The following PTPRD variants were observed in gnomAD, a reference collection of about 807,000 sequenced individuals.
The protein encoded by PTPRD is protein tyrosine phosphatase receptor type D, also known as receptor-type tyrosine-protein phosphatase delta.
Under a neutral mutation model 214.5 loss-of-function variants are expected in PTPRD, and 34 were observed. The observed-to-expected ratio is 0.16, with a 90% CI of 0.12 to 0.21. The LOEUF (loss-of-function observed/expected upper bound fraction) is 0.21. PTPRD is among the 10% of genes least tolerant of loss of function. The pLI, the probability that PTPRD is intolerant of heterozygous loss-of-function variation, is 1.00. For synonymous variants in PTPRD, 1,128 were observed against 845.7 expected (o/e 1.33, Z -5.79); for missense variants, 2,545 against 2,398.7 (o/e 1.06, Z -1.27).
chr9:10,082,209 T>A (rs1410355081), intron 3 of PTPRD, among the ~76,000 whole-genome samples: 3 of 152,126 alleles, frequency 2.0e-5, no homozygotes. Flanking sequence ...TAAGTTAGAA[T>A]AATAAACGTT....
At chr9:9,747,269 T>C (rs1013790272) in intron 6 of PTPRD, among the ~76,000 whole-genome samples, 1 of 152,150 alleles carries the variant, frequency 6.6e-6, no homozygotes, top group African/African-American at 2.4e-5. Context: ...AGGCTCATGA[T>C]TTCCGATATG....
intron 8 of PTPRD, among the ~76,000 whole-genome samples, chr9:9,490,489 G>T (rs544775641): frequency 1.3e-5 from 2 of 151,880 alleles, no homozygotes; most frequent in Non-Finnish European, 2.9e-5. Flanking sequence ...TCCACATTTT[G>T]TTTACTATAT....
At chr9:8,865,153 T>TTCCTA (rs1555451624) in intron 11 of PTPRD, among the ~76,000 whole-genome samples, 33 of 151,492 alleles carry the variant, frequency 2.2e-4, no homozygotes, top group African/African-American at 8.0e-4. Flanking sequence ...CTATCATTCT[T>TTCCTA]TCTTTAATCA....
chr9:8,405,543 T>G (rs10977054), intron 35 of PTPRD, among the ~76,000 whole-genome samples: 11,145 of 152,114 alleles, frequency 0.073, 506 homozygotes, highest in Non-Finnish European at 0.099. Context: ...TCAGGTTTGA[T>G]CATAAAACTC....
rs756284890 is a variant in PTPRD at position 8,636,786 on chromosome 9, G to T, written c.123C>A (p.Ala41=). The stretch of plus-strand genomic sequence containing the variant: ...CTCCCGTAGCTTGGCAGATGAAAGA[G>T]GCAACTCCGCCAGAGACCCCTGTCT... ...VDQTGVSGGV[A]SFICQATGDP... The change falls in exon 13 of 46, where the codon GCC becomes GCA. Residue 41 remains alanine (A), a synonymous_variant. Coordinates refer to ENST00000381196, the MANE Select transcript of PTPRD (RefSeq NM_002839.4). 1.9e-6 allele frequency: 3 copies of T among 1,613,850 alleles called. No homozygotes were observed. The highest frequency in any genetic ancestry group is 2.5e-6 in the Non-Finnish European group (3 of 1,179,938).
chr9:9,583,789 G>C (rs2091356374), intron 7 of PTPRD, among the ~76,000 whole-genome samples: 1 of 151,972 alleles, frequency 6.6e-6, no homozygotes, highest in Non-Finnish European at 1.5e-5. Context: ...TAAGCTTGGA[G>C]ACTCAGTCTT....
intron 9 of PTPRD, among the ~76,000 whole-genome samples, chr9:9,235,318 A>G (rs1408710094): frequency 1.3e-5 from 2 of 152,130 alleles, no homozygotes; most frequent in African/African-American, 4.8e-5. Flanking sequence ...ACGATTCAAG[A>G]TGAGATTTGG....
intron 2 of PTPRD, among the ~76,000 whole-genome samples, chr9:10,367,762 T>C (rs1171049934): frequency 6.6e-6 from 1 of 152,086 alleles, no homozygotes; most frequent in African/African-American, 2.4e-5. Context: ...TTATTTTATG[T>C]CAAGAAAGGC....
chr9:8,887,609 C>A (rs1280513373), intron 11 of PTPRD, among the ~76,000 whole-genome samples: 1 of 152,120 alleles, frequency 6.6e-6, no homozygotes, highest in African/African-American at 2.4e-5. Flanking sequence ...GAGATTACAA[C>A]ATTTTTTTAT....
intron 3 of PTPRD, among the ~76,000 whole-genome samples, chr9:10,074,391 T>G (rs1246506265): frequency 1.3e-5 from 2 of 152,236 alleles, no homozygotes; most frequent in East Asian, 1.9e-4. Context: ...AGAATATGGC[T>G]CTATTCCAGT....
At chr9:9,183,891 A>G (rs570205018) in intron 9 of PTPRD, among the ~76,000 whole-genome samples, 2 of 152,174 alleles carry the variant, frequency 1.3e-5, no homozygotes, top group South Asian at 4.1e-4. Flanking sequence ...TAAGCATTAC[A>G]TTTATGTTTA....
chr9:9,283,750 C>T (rs968278469), intron 9 of PTPRD, among the ~76,000 whole-genome samples: 4 of 151,530 alleles, frequency 2.6e-5, no homozygotes, highest in African/African-American at 9.7e-5. Context: ...CTGCTGCCTA[C>T]ATATATCTCT....
At chr9:8,690,089 T>A (rs1034111305) in intron 12 of PTPRD, among the ~76,000 whole-genome samples, 1 of 148,494 alleles carries the variant, frequency 6.7e-6, no homozygotes, top group Admixed American at 6.8e-5. Context: ...GCCTAGGAGT[T>A]ACAGCGAGAC....
intron 12 of PTPRD, 87 bp from the exon 13 acceptor site, chr9:8,636,931 A>C: frequency 1.5e-6 from 2 of 1,306,512 alleles, no homozygotes; most frequent in Non-Finnish European, 2.1e-6. Flanking sequence ...CACCATCCTC[A>C]ACCACACCGC....
At chr9:10,250,813 T>C (rs1401767911) in intron 3 of PTPRD, among the ~76,000 whole-genome samples, 2 of 151,830 alleles carry the variant, frequency 1.3e-5, no homozygotes, top group African/African-American at 4.8e-5. Context: ...GAATAAGATA[T>C]ATGCATAAGT....
rs932955111 is a variant in PTPRD at position 8,590,964 on chromosome 9, C to A, written c.352+42353G>T. 3.7e-4 allele frequency among the ~76,000 whole-genome samples: 56 copies of A among 152,088 alleles called. 1 individual carries two copies. Among genetic ancestry groups the A allele is most frequent in the Admixed American group, 6.6e-5 (1 of 15,260 alleles). On this transcript the variant is annotated intron_variant, in intron 14 of 45. Coordinates refer to ENST00000381196, the MANE Select transcript of PTPRD (RefSeq NM_002839.4). ...TGATGTTAGCAGTCCTTTATGGAGGCTATAGGGGAGAATCTTCCTTCTTGC... is the reference window on the plus strand; with the variant it reads ...TGATGTTAGCAGTCCTTTATGGAGGATATAGGGGAGAATCTTCCTTCTTGC...
At chr9:9,689,125 C>T (rs1360754242) in intron 7 of PTPRD, among the ~76,000 whole-genome samples, 1 of 150,788 alleles carries the variant, frequency 6.6e-6, no homozygotes, top group Non-Finnish European at 1.5e-5. Flanking sequence ...GTTTGAGTTT[C>T]TTATCAATTG....
At chr9:8,582,223 C>T (rs933196661) in intron 14 of PTPRD, among the ~76,000 whole-genome samples, 3 of 152,060 alleles carry the variant, frequency 2.0e-5, no homozygotes, top group Non-Finnish European at 4.4e-5. Context: ...ACTATGCATC[C>T]ATGTAGAATA....
chr9:10,250,588 C>T (rs1185235667), intron 3 of PTPRD, among the ~76,000 whole-genome samples: 2 of 152,028 alleles, frequency 1.3e-5, no homozygotes. Flanking sequence ...ATCCTTTGAT[C>T]AATCAACAAA....
Sources: allele counts gnomAD v4.1 joint callset (sites outside exome capture counted in the v4.1 genomes callset), GRCh38; gene constraint gnomAD v4.1.1; transcripts MANE v1.5; gene names NCBI Gene and HGNC (gene_info 2026-07-23, HGNC 2026-07-21).